The following PIP4P2 variants were observed in gnomAD, a reference collection of about 807,000 sequenced individuals.
PIP4P2 encodes the protein type 2 phosphatidylinositol 4,5-bisphosphate 4-phosphatase.
PIP4P2 carries 19 observed loss-of-function variants against 33.3 expected under a neutral mutation model. The observed-to-expected ratio is 0.57, with a 90% CI of 0.40 to 0.84. The LOEUF (loss-of-function observed/expected upper bound fraction) is 0.84, where lower values mean the gene tolerates loss of function less well. PIP4P2 is among the 40% of genes least tolerant of loss of function. The pLI is 0.00. For synonymous variants in PIP4P2, 110 were observed against 111.9 expected, an observed-to-expected ratio of 0.98 and a Z score of 0.11; for missense variants, 270 against 324.7, an observed-to-expected ratio of 0.83 and a Z score of 1.29.
At chr8:91,004,064 G>A (rs1811736000) in intron 5 of PIP4P2, among the ~76,000 whole-genome samples, 1 of 152,096 alleles carries the variant, frequency 6.6e-6, no homozygotes, top group South Asian at 2.1e-4. Flanking sequence ...TGATTATAGA[G>A]GCTGAGAAGT....
At chr8:91,005,864 A>G (rs1165315516) in intron 5 of PIP4P2, among the ~76,000 whole-genome samples, 1 of 152,224 alleles carries the variant, frequency 6.6e-6, no homozygotes, top group African/African-American at 2.4e-5. Flanking sequence ...TCAGAATGCT[A>G]CAAGTACACC....
At chr8:91,018,304 C>T (rs1811948002) in intron 4 of PIP4P2, 86 bp downstream of exon 4, 2 of 1,557,614 alleles carry the variant, frequency 1.3e-6, no homozygotes, top group Non-Finnish European at 8.7e-7. Context: ...TGCATTTGGA[C>T]AAAACTATAA....
At chr8:91,014,314 T>C (rs1029485292) in intron 4 of PIP4P2, among the ~76,000 whole-genome samples, 6 of 152,104 alleles carry the variant, frequency 3.9e-5, no homozygotes, top group Non-Finnish European at 5.9e-5. Flanking sequence ...TGCAGCATTA[T>C]TCATAAAAAC....
intron 3 of PIP4P2, among the ~76,000 whole-genome samples, chr8:91,018,845 A>G (rs1176135816): frequency 2.0e-5 from 3 of 152,178 alleles, no homozygotes; most frequent in Non-Finnish European, 2.9e-5. Context: ...GTTTGGTAGA[A>G]GACTAAGTTA....
intron 1 of PIP4P2, among the ~76,000 whole-genome samples, chr8:91,027,106 A>G (rs185660010): frequency 6.6e-6 from 1 of 152,342 alleles, no homozygotes; most frequent in East Asian, 1.9e-4. Context: ...ATTGCTGGAA[A>G]TCAAACAGAA....
At chr8:91,018,047 T>G (rs1185683707) in intron 4 of PIP4P2, among the ~76,000 whole-genome samples, 1 of 152,190 alleles carries the variant, frequency 6.6e-6, no homozygotes, top group East Asian at 1.9e-4. Flanking sequence ...CTGCATGAGA[T>G]TGTGCACTTT....
chr8:91,000,263 G>A (rs1294785011), intron 5 of PIP4P2, among the ~76,000 whole-genome samples: 1 of 151,710 alleles, frequency 6.6e-6, no homozygotes, highest in African/African-American at 2.4e-5. Flanking sequence ...AATATAATTG[G>A]TACTGTCGTT....
In PIP4P2 at chr8:91,040,853, T is replaced by TGCC. The variant is rs1447747890; in HGVS notation, c.-105_-104insGGC. ...CTGCTGCCGCTGCTGCCGCTGCAGC[T>TGCC]GCTGCTGCTGCCGCCTCCGGGAGGG... On this transcript the variant is annotated 5_prime_UTR_variant, in exon 1 of 7. Transcript: ENST00000285419. 1.5e-4 allele frequency: 131 copies of TGCC among 850,530 alleles called. 1 individual carries two copies. The African/African-American group carries it at 1.6e-3, about 11-fold the overall frequency. The allele number at this position is 850,530 out of a possible 1,614,324, so 52.7% of individuals were successfully genotyped here. A position where few individuals can be genotyped will look rare whatever the true frequency, so the allele number is the denominator to read the frequency against.
At chr8:91,009,126 C>T (rs553991523) in intron 4 of PIP4P2, among the ~76,000 whole-genome samples, 1 of 152,054 alleles carries the variant, frequency 6.6e-6, no homozygotes, top group Non-Finnish European at 1.5e-5. Flanking sequence ...ATTTCATATA[C>T]CATCAAAGTT....
At chr8:90,996,624 A>T in intron 6 of PIP4P2, 30 bp downstream of exon 6, 2 of 1,569,194 alleles carry the variant, frequency 1.3e-6, no homozygotes, top group Non-Finnish European at 1.7e-6. Context: ...TTGAGAGGAC[A>T]GAATTCTAAC....
chr8:91,019,965 A>T (rs1811982595), intron 3 of PIP4P2, among the ~76,000 whole-genome samples, 192 bp downstream of exon 3: 1 of 151,986 alleles, frequency 6.6e-6, no homozygotes, highest in African/African-American at 2.4e-5. Flanking sequence ...TAAGAATATT[A>T]TATCCTACAA....
chr8:91,024,506 C>G, intron 1 of PIP4P2: 1 of 227,802 alleles, frequency 4.4e-6, no homozygotes. Context: ...TCAATACAGT[C>G]TTGAACTCCT....
rs369994892 is a variant in PIP4P2 at position 91,015,250 on chromosome 8, A to G, written c.486+3140T>C. ...TTCCCCAGAGAAATCTGCCCTAAAGAAAAAAAGACCAATTGATACTAATAG... is the reference window on the plus strand; with the variant it reads ...TTCCCCAGAGAAATCTGCCCTAAAGGAAAAAAGACCAATTGATACTAATAG... On this transcript the variant is annotated intron_variant, in intron 4 of 6. Coordinates refer to ENST00000285419, the MANE Select transcript of PIP4P2 (RefSeq NM_018710.3). 1.8e-3 allele frequency among the ~76,000 whole-genome samples: 270 copies of G among 152,252 alleles called. 2 individuals carry two copies. Among genetic ancestry groups the G allele is most frequent in the Middle Eastern group, 0.01 (3 of 294 alleles).
At chr8:91,014,208 G>A (rs1471802310) in intron 4 of PIP4P2, among the ~76,000 whole-genome samples, 1 of 152,094 alleles carries the variant, frequency 6.6e-6, no homozygotes, top group African/African-American at 2.4e-5. Flanking sequence ...ATAATGGCAG[G>A]CTGCTTCACA....
Position 91,018,448 on chromosome 8 carries a change from A to G in PIP4P2, c.428T>C (p.Leu143Ser), listed in dbSNP as rs1185739755. ...ISEEQPAQPA[L>S]PIQPEGTRVV... ...CCTTGTACCTTCTGGTTGGATTGGCAATGCAGGCTGAGCTGGTTGTTCTTC... is the reference window on the plus strand; with the variant it reads ...CCTTGTACCTTCTGGTTGGATTGGCGATGCAGGCTGAGCTGGTTGTTCTTC... The change falls in exon 4 of 7, where the codon TTG (leucine) becomes TCG (serine). Residue 143 changes from leucine (L) to serine (S), a missense_variant. By Grantham distance (145) the Leu-to-Ser change is moderately radical. Coordinates refer to ENST00000285419, the MANE Select transcript of PIP4P2 (RefSeq NM_018710.3). The G allele has an allele frequency of 6.2e-7, 1 of 1,613,910 alleles. No homozygotes were observed. Among genetic ancestry groups the G allele is most frequent in the African/African-American group, 1.3e-5 (1 of 74,904 alleles).
At chr8:91,014,020 AT>A (rs1031066105) in intron 4 of PIP4P2, among the ~76,000 whole-genome samples, 3 of 152,170 alleles carry the variant, frequency 2.0e-5, no homozygotes, top group Admixed American at 2.0e-4. Context: ...ATGCATTTCC[AT>A]TTTTTTCCAA....
chr8:91,027,760 A>C (rs1213948485), intron 1 of PIP4P2, among the ~76,000 whole-genome samples: 2 of 152,236 alleles, frequency 1.3e-5, no homozygotes, highest in East Asian at 1.9e-4. Flanking sequence ...CTGAGATGCT[A>C]GAATATCCCT....
At chr8:91,017,394 A>T (rs1811932303) in intron 4 of PIP4P2, among the ~76,000 whole-genome samples, 1 of 152,042 alleles carries the variant, frequency 6.6e-6, no homozygotes. Flanking sequence ...GTGAGACTTC[A>T]TCTCAAAAAA....
intron 2 of PIP4P2, 114 bp downstream of exon 2, chr8:91,021,142 C>T (rs1157331719): frequency 3.3e-6 from 4 of 1,215,316 alleles, no homozygotes; most frequent in African/African-American, 3.0e-5. Flanking sequence ...AAAAAGATTA[C>T]CATATTTGTA....
Sources: allele counts gnomAD v4.1 joint callset (sites outside exome capture counted in the v4.1 genomes callset), GRCh38; gene constraint gnomAD v4.1.1; transcripts MANE v1.5; gene names NCBI Gene and HGNC (gene_info 2026-07-23, HGNC 2026-07-21).